Variants in SLC26A9 observed in about 807,000 individuals in gnomAD.
SLC26A9 encodes the protein anion transporter/exchanger protein 9.
Under a neutral mutation model 87.1 loss-of-function variants are expected in SLC26A9, and 46 were observed. That is an observed-to-expected ratio of 0.53 (90% CI 0.42 to 0.67). The LOEUF (loss-of-function observed/expected upper bound fraction) is 0.67. SLC26A9 is among the 30% of genes least tolerant of loss of function. The pLI, the probability that SLC26A9 is intolerant of heterozygous loss-of-function variation, is 0.00. For missense variants in SLC26A9, 927 were observed against 1,018.3 expected (o/e 0.91, Z 1.22); for synonymous variants, 437 against 409.1 (o/e 1.07, Z -0.82).
At chr1:205,938,462 C>T (rs1393056573) in intron 1 of SLC26A9, among the ~76,000 whole-genome samples, 1 of 152,144 alleles carries the variant, frequency 6.6e-6, no homozygotes, top group Non-Finnish European at 1.5e-5. Flanking sequence ...TCCCTCATTT[C>T]CAGGAGGATG....
In SLC26A9 at chr1:205,923,202, G is replaced by A; in HGVS notation, c.1660-7C>T. On this transcript the variant is annotated splice_polypyrimidine_tract_variant and splice_region_variant and intron_variant, in intron 15 of 20. Coordinates refer to ENST00000367135, the MANE Select transcript of SLC26A9 (RefSeq NM_052934.4). ...TCTGGGGGTCCATGCCTGTCTGCAG[G>A]GAGAGAGCCAACAGCAATCTTGACC... The A allele has an allele frequency of 6.2e-7, 1 of 1,613,980 alleles. No homozygotes were observed. Among genetic ancestry groups the A allele is most frequent in the South Asian group, 1.1e-5 (1 of 91,072 alleles).
chr1:205,927,588 G>C lies in SLC26A9; in HGVS notation c.1119C>G (p.Gly373=). The change falls in exon 10 of 21, where the codon GGC becomes GGG. Residue 373 remains glycine, a synonymous_variant. Coordinates refer to ENST00000367135, the MANE Select transcript of SLC26A9 (RefSeq NM_052934.4). ...VDSNQEMIAL[G]CSNFFGSFFK... ...AGAAGGAGCCAAAGAAGTTGCTGCA[G>C]CCGAGAGCGATCATCTCCTGCAGGG... The C allele has an allele frequency of 6.2e-7, 1 of 1,613,982 alleles. No homozygotes were observed.
intron 2 of SLC26A9, among the ~76,000 whole-genome samples, chr1:205,934,772 G>A (rs1659442207): frequency 6.6e-6 from 1 of 152,172 alleles, no homozygotes; most frequent in Admixed American, 6.5e-5. Context: ...AAGACTGGCA[G>A]AGACCACCTG....
chr1:205,924,568 C>A, intron 12 of SLC26A9, 79 bp from the exon 13 acceptor site: 1 of 1,296,450 alleles, frequency 7.7e-7, no homozygotes, highest in Non-Finnish European at 1.1e-6. Flanking sequence ...TTAGCCAAGG[C>A]CATTCTCTGT....
At chr1:205,933,848 T>A (rs1225433785) in intron 2 of SLC26A9, among the ~76,000 whole-genome samples, 3 of 152,116 alleles carry the variant, frequency 2.0e-5, no homozygotes, top group African/African-American at 7.2e-5. Context: ...GGAGAGTTGA[T>A]CCCTTCCCTG....
intron 5 of SLC26A9, among the ~76,000 whole-genome samples, chr1:205,931,148 C>T (rs1201927316): frequency 6.6e-6 from 1 of 152,204 alleles, no homozygotes; most frequent in Non-Finnish European, 1.5e-5. Context: ...GAATCCTTTG[C>T]AACCATTTGC....
At chr1:205,937,500 T>C (rs1659556006) in intron 1 of SLC26A9, among the ~76,000 whole-genome samples, 1 of 152,192 alleles carries the variant, frequency 6.6e-6, no homozygotes, top group South Asian at 2.1e-4. Context: ...AGTTTCTTCA[T>C]CTGTAAATGG....
In SLC26A9 at chr1:205,926,619, T is replaced by C. The variant is rs1659078449; in HGVS notation, c.1305A>G (p.Gly435=). 3 of 1,613,900 alleles carry C rather than the reference T, an allele frequency of 1.9e-6. No homozygotes were observed. Among genetic ancestry groups the C allele is most frequent in the African/African-American group, 1.3e-5 (1 of 74,898 alleles). Residue 435 remains glycine, a synonymous_variant, in exon 12 of 21, where the codon GGA becomes GGG. Coordinates refer to ENST00000367135, the MANE Select transcript of SLC26A9 (RefSeq NM_052934.4). The part of the protein sequence containing the change: ...YLYPLPKSVL[G]ALIAVNLKNS... The stretch of plus-strand genomic sequence containing the variant: ...TCTTGAGATTGACAGCGATCAGGGC[T>C]CCTAGCACAGACTAGAGAAGCAGAA...
In SLC26A9 at chr1:205,914,761, A is replaced by T; in HGVS notation, c.*596T>A. 1 of 1,139,310 alleles carries T rather than the reference A, an allele frequency of 8.8e-7. No homozygotes were observed. 70.6% of individuals were successfully genotyped at this position (1,139,310 alleles called of 1,614,324 possible). On this transcript the variant is annotated 3_prime_UTR_variant, in exon 21 of 21. Transcript: ENST00000367135. ...GTTTGGGCAGCCTTGGGGATGATGG[A>T]GGGGGGGCGCATAGTTACCAAGGCC...
rs1659205521 is a variant in SLC26A9 at position 205,929,195 on chromosome 1, G to A, written c.870+9C>T. On this transcript the variant is annotated intron_variant, in intron 7 of 20. Coordinates refer to ENST00000367135, the MANE Select transcript of SLC26A9 (RefSeq NM_052934.4). ...CCCCCAACATCCCAGCTCTGAACAA[G>A]GTCCTTACCACAATCATCTCTGTAG... is the stretch of plus-strand genomic sequence containing the variant. 1 of 1,611,660 alleles carries A rather than the reference G, an allele frequency of 6.2e-7. No individual in the cohort carries two copies. The highest frequency in any genetic ancestry group is 1.3e-5 in the African/African-American group (1 of 74,960).
At chr1:205,925,737 C>A (rs908159195) in intron 12 of SLC26A9, among the ~76,000 whole-genome samples, 11 of 152,188 alleles carry the variant, frequency 7.2e-5, no homozygotes, top group African/African-American at 2.4e-4. Flanking sequence ...CCTCTGTGGC[C>A]TTTGACAATT....
rs1558124034 is a variant in SLC26A9, at chr1:205,927,195, A to G, written c.1293+16T>C. ...GGAGTCTTTCGTTGACTTCTGCTCGATGGCTGGGCTCTTACCTTAGGGAGA... is the reference window on the plus strand; with the variant it reads ...GGAGTCTTTCGTTGACTTCTGCTCGGTGGCTGGGCTCTTACCTTAGGGAGA... On this transcript the variant is annotated intron_variant, in intron 11 of 20. Coordinates refer to ENST00000367135, the MANE Select transcript of SLC26A9 (RefSeq NM_052934.4). The G allele has an allele frequency of 1.2e-6, 2 of 1,613,908 alleles. No individual in the cohort carries two copies. Among genetic ancestry groups the G allele is most frequent in the East Asian group, 2.2e-5 (1 of 44,876 alleles).
chr1:205,924,600 C>T (rs1658991483), intron 12 of SLC26A9, 111 bp from the exon 13 acceptor site: 2 of 841,428 alleles, frequency 2.4e-6, no homozygotes, highest in Admixed American at 2.9e-5. Context: ...CAGAGCCTCT[C>T]TTCTCTTTTT....
At chr1:205,930,129 C>CGAGATCT in intron 5 of SLC26A9, 73 bp from the exon 6 acceptor site, 2 of 1,489,012 alleles carry the variant, frequency 1.3e-6, no homozygotes, top group Non-Finnish European at 9.1e-7. Flanking sequence ...CCGCCCCACA[C>CGAGATCT]ACACGCAGGT....
chr1:205,915,925 T>C (rs902428199), intron 20 of SLC26A9, among the ~76,000 whole-genome samples: 1 of 152,064 alleles, frequency 6.6e-6, no homozygotes, highest in East Asian at 1.9e-4. Context: ...TGGAGCTCAA[T>C]GTCAAAAAGA....
chr1:205,926,575 G>C lies in SLC26A9; in HGVS notation c.1349C>G (p.Thr450Ser), dbSNP rs147438126. 6.2e-7 allele frequency: 1 copy of C among 1,614,054 alleles called. No individual in the cohort carries two copies. Among genetic ancestry groups the C allele is most frequent in the African/African-American group, 1.3e-5 (1 of 74,916 alleles). ...VNLKNSLKQL[T>S]DPYYLWRKSK... Reference sequence around the variant, plus strand: ...CTTCCTCCACAGGTAGTAGGGGTCGGTGAGTTGCTTGAGGGAGTTCTTGAG... The same window carrying C: ...CTTCCTCCACAGGTAGTAGGGGTCGCTGAGTTGCTTGAGGGAGTTCTTGAG... Residue 450 changes from threonine (T) to serine (S), a missense_variant, in exon 12 of 21, where the codon ACC (threonine) becomes AGC (serine). Thr to Ser is a moderately conservative substitution (Grantham distance 58, BLOSUM62 1). Transcript: ENST00000367135.
In SLC26A9 at chr1:205,932,728, A is replaced by T. The variant is rs1306963511; in HGVS notation, c.350T>A (p.Leu117Gln). The T allele has an allele frequency of 6.3e-7, 1 of 1,587,956 alleles. No individual in the cohort carries two copies. The highest frequency in any genetic ancestry group is 1.3e-5 in the African/African-American group (1 of 74,316). The part of the protein sequence containing the change: ...SFFPLLTYFF[L>Q]GGVHQMVPGT... The stretch of plus-strand genomic sequence containing the variant: ...TGGCACCATCTGGTGAACACCCCCC[A>T]GGAAGAAGTAGGTCAGGAGGGGGAA... Residue 117 changes from leucine to glutamine, a missense_variant, in exon 4 of 21, where the codon CTG becomes CAG. Transcript: ENST00000367135.
chr1:205,924,204 C>T (rs771172868), intron 13 of SLC26A9, among the ~76,000 whole-genome samples, 179 bp downstream of exon 13: 8 of 152,202 alleles, frequency 5.3e-5, no homozygotes, highest in Non-Finnish European at 1.2e-4. Context: ...AGTCAAACAG[C>T]CCAGACTGTG....
chr1:205,922,776 G>C (rs1417401349), intron 16 of SLC26A9, among the ~76,000 whole-genome samples: 4 of 152,198 alleles, frequency 2.6e-5, no homozygotes, highest in African/African-American at 9.7e-5. Flanking sequence ...GGTGGCACCT[G>C]TAATCTCAGC....
Sources: gnomAD v4.1 joint callset for allele counts (sites outside exome capture counted in the v4.1 genomes callset) on GRCh38, gnomAD v4.1.1 for gene constraint, MANE v1.5 for transcripts, NCBI Gene and HGNC (gene_info 2026-07-23, HGNC 2026-07-21) for gene names.